Variants in SALL1 observed in about 807,000 individuals in gnomAD.
SALL1 encodes spalt like transcription factor 1.
SALL1 carries 10 observed loss-of-function variants against 73.1 expected under a neutral mutation model. The ratio of observed to expected loss-of-function variants is 0.14; its 90% confidence interval spans 0.08 to 0.23. SALL1 has a LOEUF of 0.23. SALL1 is among the 10% of genes least tolerant of loss of function. SALL1 has a pLI of 1.00. For missense variants in SALL1, 1,520 were observed against 1,697.3 expected (o/e 0.90, Z 1.84); for synonymous variants, 688 against 689.8 (o/e 1.00, Z 0.04).
At chr16:51,147,577 T>C in intron 1 of SALL1, among the ~76,000 whole-genome samples, 1 of 152,214 alleles carries the variant, frequency 6.6e-6, no homozygotes, top group Non-Finnish European at 1.5e-5. Flanking sequence ...TCATTATTAA[T>C]ATAAATAAGA....
At position 51,139,293 on chromosome 16, in the gene SALL1, C is replaced by T. The variant is rs752206117; in HGVS notation, c.2929G>A (p.Ala977Thr). 22 of 1,614,138 alleles carry T rather than the reference C, an allele frequency of 1.4e-5. No homozygotes were observed. Among genetic ancestry groups the T allele is most frequent in the African/African-American group, 2.7e-5 (2 of 75,038 alleles). Reference sequence around the variant, plus strand: ...GAATCTTCTTTGATGATTTTCTCTGCGTGACTAGATGTCAAATCCAAAGCC... The same window carrying T: ...GAATCTTCTTTGATGATTTTCTCTGTGTGACTAGATGTCAAATCCAAAGCC... ...GGALDLTSSH[A>T]EKIIKEDSLG... Residue 977 changes from alanine (A) to threonine (T), a missense_variant, in exon 2 of 3, where the codon GCA becomes ACA. Transcript: ENST00000251020.
chr16:51,150,950 G>A (rs1436564420), intron 1 of SALL1: 5 of 414,970 alleles, frequency 1.2e-5, no homozygotes, highest in Non-Finnish European at 2.1e-5. Flanking sequence ...CCTGCCGGGA[G>A]ATGTGCTCGC....
At position 51,141,183 on chromosome 16, in the gene SALL1, C is replaced by T; in HGVS notation, c.1039G>A (p.Ala347Thr). Residue 347 changes from alanine to threonine, a missense_variant, in exon 2 of 3, where the codon GCA becomes ACA. Transcript: ENST00000251020. The surrounding 1 kb of genome is among the most constrained non-coding windows in gnomAD (Gnocchi z 5.4). ...TTTTCAGAGGACGGGGTGGTAACTGCCGCTGCCAATATGTTCATATTGGGA... is the reference window on the plus strand; with the variant it reads ...TTTTCAGAGGACGGGGTGGTAACTGTCGCTGCCAATATGTTCATATTGGGA... ...SSPNMNILAAAVTTPSSEKVA... is the reference protein window; with the variant it reads ...SSPNMNILAATVTTPSSEKVA... 2 of 1,614,144 alleles carry T rather than the reference C, an allele frequency of 1.2e-6. No homozygotes were observed. The highest frequency in any genetic ancestry group is 1.7e-6 in the Non-Finnish European group (2 of 1,180,028).
intron 2 of SALL1, among the ~76,000 whole-genome samples, chr16:51,137,952 T>A (rs1962342910): frequency 1.3e-5 from 2 of 152,246 alleles, no homozygotes; most frequent in African/African-American, 4.8e-5. Context: ...CTTTACCCTA[T>A]AAATGTCCTT....
At chr16:51,142,645 T>TATCA (rs1021652153) in intron 1 of SALL1, among the ~76,000 whole-genome samples, 26 of 151,650 alleles carry the variant, frequency 1.7e-4, no homozygotes, top group African/African-American at 6.1e-4. Context: ...AAAAAATGCA[T>TATCA]ATCACCAAGC....
chr16:51,150,999 A>G (rs1157082326), intron 1 of SALL1, 167 bp downstream of exon 1: 9 of 445,224 alleles, frequency 2.0e-5, no homozygotes, highest in South Asian at 5.5e-5. Flanking sequence ...GCAAAGGCAC[A>G]TTGAAAATTA....
rs1962444340 is a variant in SALL1 at position 51,141,832 on chromosome 16, CG to C, written c.389del (p.Pro130ArgfsTer53). On this transcript the variant is annotated frameshift_variant, in exon 2 of 3. Coordinates refer to ENST00000251020, the MANE Select transcript of SALL1 (RefSeq NM_002968.3). LOFTEE classifies it high-confidence loss of function. The surrounding 1 kb of genome is among the most constrained non-coding windows in gnomAD (Gnocchi z 5.4). ...DREESMEVEA[P>X]VANKSGSGTS... ...TGCCGCTGCCGCTTTTGTTAGCAAC[CG>C]GGGCCTCCACCTCCATGGACTCTTC... The C allele has an allele frequency of 6.2e-7, 1 of 1,613,692 alleles. No individual in the cohort carries two copies. Among genetic ancestry groups the C allele is most frequent in the Admixed American group, 1.7e-5 (1 of 59,996 alleles).
rs1460756256 is a variant in SALL1, at chr16:51,141,463, T to C, written c.759A>G (p.Gln253=). ...QLQLIEQIRH[Q]ILLLASQNAD... ...CATTCTGAGAAGCCAACAGCAATATTTGGTGACGAATCTGTTCGATCAATT... is the reference window on the plus strand; with the variant it reads ...CATTCTGAGAAGCCAACAGCAATATCTGGTGACGAATCTGTTCGATCAATT... Residue 253 remains glutamine (Q), a synonymous_variant, in exon 2 of 3, where the codon CAA becomes CAG. Transcript: ENST00000251020. This position sits in a 1 kb window ranked among gnomAD's most constrained non-coding sequence, Gnocchi z 5.4. The C allele has an allele frequency of 1.9e-6, 3 of 1,614,150 alleles. No homozygotes were observed. The highest frequency in any genetic ancestry group is 2.5e-6 in the Non-Finnish European group (3 of 1,180,036).
At chr16:51,144,300 G>A (rs566879075) in intron 1 of SALL1, among the ~76,000 whole-genome samples, 9 of 152,182 alleles carry the variant, frequency 5.9e-5, no homozygotes, top group Non-Finnish European at 1.3e-4. Context: ...CAATTATGAA[G>A]GAACAAAAGC....
At position 51,140,930 on chromosome 16, in the gene SALL1, G is replaced by C; in HGVS notation, c.1292C>G (p.Pro431Arg). 2 of 1,614,188 alleles carry C rather than the reference G, an allele frequency of 1.2e-6. No homozygotes were observed. Among genetic ancestry groups the C allele is most frequent in the Non-Finnish European group, 1.7e-6 (2 of 1,180,048 alleles). Residue 431 changes from proline (P) to arginine (R), a missense_variant, in exon 2 of 3, where the codon CCA (proline) becomes CGA (arginine). Pro to Arg is a moderately radical substitution (Grantham distance 103). Around this residue, in one of 7 missense-constraint regions of SALL1, gnomAD observed 540 missense variants for 567.5 expected, o/e 0.95. Coordinates refer to ENST00000251020, the MANE Select transcript of SALL1 (RefSeq NM_002968.3). This position sits in a 1 kb window ranked among gnomAD's most constrained non-coding sequence, Gnocchi z 5.7. ...ALAQQRKSKP[P>R]NVTAFEAKST... is the part of the protein sequence containing the mutation. The stretch of plus-strand genomic sequence containing the variant: ...TTTCGCTTCAAAGGCAGTGACATTT[G>C]GTGGCTTGCTTTTTCTTTGCTGGGC...
At chr16:51,151,836 G>C (rs905514202), upstream of SALL1, among the ~76,000 whole-genome samples, 7 of 151,064 alleles carry the variant, frequency 4.6e-5, no homozygotes, top group African/African-American at 1.5e-4. Context: ...GCCGGGCGGC[G>C]AGGGCTGGGG....
intron 1 of SALL1, chr16:51,149,233 G>T (rs929240876): frequency 6.6e-6 from 1 of 152,230 alleles, no homozygotes; most frequent in African/African-American, 2.4e-5. Context: ...GATCTTCCAC[G>T]CATCATTTCT....
At chr16:51,142,553 T>C (rs1962460705) in intron 1 of SALL1, among the ~76,000 whole-genome samples, 1 of 152,156 alleles carries the variant, frequency 6.6e-6, no homozygotes, top group South Asian at 2.1e-4. Flanking sequence ...TTCAACCGAC[T>C]CAAAGATATC....
chr16:51,143,628 C>T (rs1286141877), intron 1 of SALL1, among the ~76,000 whole-genome samples: 1 of 152,102 alleles, frequency 6.6e-6, no homozygotes, highest in Non-Finnish European at 1.5e-5. Flanking sequence ...CAGCTGTTTG[C>T]TTTTTTGTAG....
chr16:51,149,266 T>C (rs568986294), intron 1 of SALL1: 2 of 152,584 alleles, frequency 1.3e-5, no homozygotes, highest in African/African-American at 4.8e-5. Flanking sequence ...AGACTTTTTT[T>C]TTTTAAATGT....
intron 1 of SALL1, among the ~76,000 whole-genome samples, chr16:51,146,700 TGAA>T (rs935441251): frequency 1.7e-4 from 26 of 152,160 alleles, no homozygotes; most frequent in Non-Finnish European, 3.5e-4. Flanking sequence ...GGGAAGATAC[TGAA>T]GGACATATTA....
chr16:51,149,517 C>T (rs1962565487), intron 1 of SALL1: 1 of 152,146 alleles, frequency 6.6e-6, no homozygotes, highest in African/African-American at 2.4e-5. Context: ...CCCGCGTGCT[C>T]GCTTTCGCTT....
chr16:51,144,140 T>C, intron 1 of SALL1, among the ~76,000 whole-genome samples: 1 of 152,188 alleles, frequency 6.6e-6, no homozygotes, highest in East Asian at 1.9e-4. Context: ...AAGCTTCTTA[T>C]TTTGACAATC....
At position 51,140,976 on chromosome 16, in the gene SALL1, A is replaced by T. The variant is rs755510414; in HGVS notation, c.1246T>A (p.Leu416Ile). Residue 416 changes from leucine (L) to isoleucine (I), a missense_variant, in exon 2 of 3, where the codon TTA becomes ATA. Physicochemically the swap from Leu to Ile is conservative, Grantham distance 5. Around this residue, in one of 7 missense-constraint regions of SALL1, gnomAD observed 540 missense variants for 567.5 expected, o/e 0.95. Coordinates refer to ENST00000251020, the MANE Select transcript of SALL1 (RefSeq NM_002968.3). This position sits in a 1 kb window ranked among gnomAD's most constrained non-coding sequence, Gnocchi z 5.7. ...LPNIGTTAED[L>I]NSLSALAQQR... ...TGGGCCAAGGCAGACAAGGAGTTTAAATCCTCTGCAGTTGTTCCGATGTTG... is the reference window on the plus strand; with the variant it reads ...TGGGCCAAGGCAGACAAGGAGTTTATATCCTCTGCAGTTGTTCCGATGTTG... 1 of 1,614,202 alleles carries T rather than the reference A, an allele frequency of 6.2e-7. No homozygotes were observed. Among genetic ancestry groups the T allele is most frequent in the South Asian group, 1.1e-5 (1 of 91,078 alleles).
Sources: gnomAD v4.1 joint callset for allele counts (sites outside exome capture counted in the v4.1 genomes callset) on GRCh38, gnomAD v4.1.1 for gene constraint, gnomAD v4.1.1 regional missense constraint, Gnocchi (gnomAD v3.1) non-coding constraint, MANE v1.5 for transcripts, NCBI Gene and HGNC (gene_info 2026-07-23, HGNC 2026-07-21) for gene names.